Variants in CEP72 observed in about 807,000 individuals in gnomAD.
CEP72 encodes centrosomal protein 72.
Under a neutral mutation model 65.7 loss-of-function variants are expected in CEP72, and 78 were observed. That is an observed-to-expected ratio of 1.19 (90% confidence interval 0.99 to 1.43). The LOEUF is 1.43. Ranked by LOEUF, CEP72 falls within the 40% of genes most tolerant of loss-of-function variation. The pLI, the probability that CEP72 is intolerant of heterozygous loss-of-function variation, is 0.00. For missense variants in CEP72, 914 were observed against 832.9 expected (o/e 1.10, Z -1.20); for synonymous variants, 358 against 351.7 (o/e 1.02, Z -0.20).
At chr5:642,700 A>G (rs1738138838) in intron 9 of CEP72, 1 of 985,414 alleles carries the variant, frequency 1.0e-6, no homozygotes, top group South Asian at 4.7e-5. Context: ...GTTCCCTGTC[A>G]GGGTGAGTGA....
chr5:622,411 C>T (rs780941028), intron 3 of CEP72, among the ~76,000 whole-genome samples: 1 of 152,210 alleles, frequency 6.6e-6, no homozygotes, highest in Non-Finnish European at 1.5e-5. Context: ...GTGGCAGCAT[C>T]GGATGGGAGG....
At chr5:667,870 C>G (rs71585295), downstream of CEP72, among the ~76,000 whole-genome samples, 18 of 68,620 alleles carry the variant, frequency 2.6e-4, no homozygotes, top group African/African-American at 1.0e-3. Context: ...AGGGAAGTAC[C>G]GACAAGCACA....
At chr5:656,519 A>G (rs2126840276), downstream of CEP72, among the ~76,000 whole-genome samples, 1 of 152,254 alleles carries the variant, frequency 6.6e-6, no homozygotes, top group East Asian at 1.9e-4. Flanking sequence ...ATTTAATCCT[A>G]GGTCCTTGTT....
intron 8 of CEP72, among the ~76,000 whole-genome samples, chr5:639,859 C>G (rs1034428289): frequency 2.6e-5 from 4 of 152,220 alleles, no homozygotes; most frequent in Non-Finnish European, 4.4e-5. Flanking sequence ...AGACCCTGGG[C>G]ACGGCTCTGA....
chr5:639,851 A>C (rs1737884806), intron 8 of CEP72, among the ~76,000 whole-genome samples: 2 of 151,868 alleles, frequency 1.3e-5, no homozygotes, highest in Non-Finnish European at 2.9e-5. Flanking sequence ...CTCCCCGCAG[A>C]CCCTGGGCAC....
At chr5:676,195 A>C in the CEP72 span, 1 of 152,192 alleles carries the variant, frequency 6.6e-6, no homozygotes, top group African/African-American at 2.4e-5. Flanking sequence ...CAAACCCCAA[A>C]TGCCCTCGGA....
intron 4 of CEP72, 78 bp from the exon 5 acceptor site, chr5:633,691 T>C (rs1393822527): frequency 1.4e-6 from 2 of 1,411,912 alleles, no homozygotes; most frequent in Non-Finnish European, 2.0e-6. Context: ...CGTGCAGGAA[T>C]TTTCCTTCTC....
chr5:675,799 G>A, the CEP72 span: 2 of 152,296 alleles, frequency 1.3e-5, no homozygotes, highest in African/African-American at 4.8e-5. Context: ...GTTGGCAAAT[G>A]ATGGCCCTTT....
chr5:648,631 TG>T (rs764546815), intron 11 of CEP72, among the ~76,000 whole-genome samples: 25 of 86,084 alleles, frequency 2.9e-4, no homozygotes, highest in Admixed American at 4.3e-4. Flanking sequence ...CTGTGAGGCG[TG>T]GACTGTGAGG....
chr5:662,771 C>A, intron 1 of CEP72: 1 of 152,612 alleles, frequency 6.6e-6, no homozygotes. Flanking sequence ...ACCTGGGGAG[C>A]CACCCTGTTT....
rs1735723047 is a variant in CEP72 at position 612,383 on chromosome 5, C to T, written c.22C>T (p.Leu8=). 7 of 1,491,450 alleles carry T rather than the reference C, an allele frequency of 4.7e-6. No individual in the cohort carries two copies. Among genetic ancestry groups the T allele is most frequent in the African/African-American group, 1.5e-5 (1 of 68,466 alleles). 92.4% of individuals were successfully genotyped at this position (1,491,450 alleles called of 1,614,324 possible). A position where few individuals can be genotyped will look rare whatever the true frequency, so the allele number is the denominator to read the frequency against. The part of the protein sequence containing the change: MARAGPR[L]VLSEEAVRAK... ...AAACATGGCGCGGGCTGGCCCTCGGCTGGTGCTGAGCGAGGAGGCGGTTCG... is the reference window on the plus strand; with the variant it reads ...AAACATGGCGCGGGCTGGCCCTCGGTTGGTGCTGAGCGAGGAGGCGGTTCG... Residue 8 remains leucine (L), a synonymous_variant, in exon 1 of 12, where the codon CTG becomes TTG. Transcript: ENST00000264935.
intron 9 of CEP72, chr5:642,878 T>A (rs1738151547): frequency 1.2e-5 from 12 of 985,472 alleles, no homozygotes; most frequent in Non-Finnish European, 1.3e-5. Context: ...AGGACGCTCA[T>A]CCCTCGGTCA....
At chr5:622,960 C>T (rs1374429785) in intron 3 of CEP72, among the ~76,000 whole-genome samples, 1 of 152,236 alleles carries the variant, frequency 6.6e-6, no homozygotes, top group East Asian at 1.9e-4. Context: ...AAATCATTGC[C>T]TCTGTAATCC....
rs186645410 is a variant in CEP72 at position 648,286 on chromosome 5, G to T, written c.1778+370G>T. On this transcript the variant is annotated intron_variant, in intron 11 of 11. Transcript: ENST00000264935. ...CCTGAGTGTGAGATGTGACTGTGAGGTGTGGACTGTGAGGTGTGACTGTGA... is the reference window on the plus strand; with the variant it reads ...CCTGAGTGTGAGATGTGACTGTGAGTTGTGGACTGTGAGGTGTGACTGTGA... Among the ~76,000 whole-genome samples, 92 of 137,032 alleles carry T rather than the reference G, an allele frequency of 6.7e-4. 3 individuals carry two copies. In the East Asian group the frequency reaches 0.017, roughly 25 times the overall value. The allele number at this position is 137,032 out of a possible 152,430, so 89.9% of individuals were successfully genotyped here.
the CEP72 span, among the ~76,000 whole-genome samples, chr5:673,010 C>T: frequency 2.2e-3 from 334 of 152,338 alleles, 2 homozygotes; most frequent in South Asian, 3.7e-3. Flanking sequence ...AAACAGAAAT[C>T]GGTAGACTTT....
chr5:637,496 C>T (rs1208879354), intron 6 of CEP72, 21 bp from the exon 7 acceptor site: 2 of 1,599,464 alleles, frequency 1.3e-6, no homozygotes, highest in African/African-American at 2.7e-5. Context: ...TGACGTGCGC[C>T]CCATCCTCTC....
At chr5:636,225 T>G (rs961937011) in intron 6 of CEP72, among the ~76,000 whole-genome samples, 1 of 152,276 alleles carries the variant, frequency 6.6e-6, no homozygotes, top group Admixed American at 6.5e-5. Flanking sequence ...CTCTGTGTAT[T>G]TATTTGTTTG....
chr5:615,532 C>T (rs1464228839), intron 1 of CEP72, among the ~76,000 whole-genome samples: 15 of 152,066 alleles, frequency 9.9e-5, no homozygotes, highest in Non-Finnish European at 8.8e-5. Context: ...TTTTGCATGG[C>T]GTATCTTTTC....
At chr5:668,854 A>G (rs1561082660), downstream of CEP72, among the ~76,000 whole-genome samples, 1 of 152,162 alleles carries the variant, frequency 6.6e-6, no homozygotes. Flanking sequence ...CCTCGAGAAC[A>G]AGCCCAGGAT....
Sources: allele counts gnomAD v4.1 joint callset (sites outside exome capture counted in the v4.1 genomes callset), GRCh38; gene constraint gnomAD v4.1.1; transcripts MANE v1.5; gene names NCBI Gene and HGNC (gene_info 2026-07-23, HGNC 2026-07-21).